SOX6: variants seen among roughly 807,000 people sequenced by gnomAD.
SOX6 encodes the protein SRY-box transcription factor 6, also known as transcription factor SOX-6.
A neutral mutation model predicts 97.8 loss-of-function variants in SOX6; 11 were observed. The observed-to-expected ratio is 0.11, with a 90% confidence interval of 0.07 to 0.19. The LOEUF (loss-of-function observed/expected upper bound fraction) is 0.19. SOX6 is among the 10% of genes least tolerant of loss of function. SOX6 has a pLI of 1.00. For missense variants in SOX6, 810 were observed against 1,039.5 expected, an observed-to-expected ratio of 0.78 and a Z score of 3.04; for synonymous variants, 360 against 371.4, an observed-to-expected ratio of 0.97 and a Z score of 0.35.
chr11:16,478,584 T>C (rs980945749), upstream of SOX6, among the ~76,000 whole-genome samples: 11 of 152,206 alleles, frequency 7.2e-5, no homozygotes, highest in African/African-American at 1.7e-4. Flanking sequence ...ATTTGCACTA[T>C]TGGTGAAATT....
Position 16,610,723 on chromosome 11 carries a change from C to A in SOX6, n.609+1358G>T, listed in dbSNP as rs1327609421. On this transcript the variant is annotated intron_variant and non_coding_transcript_variant, in intron 4 of 5. Transcript: ENST00000524520. The surrounding 1 kb of genome is among the most constrained non-coding windows in gnomAD (Gnocchi z 4.4). Reference sequence around the variant, plus strand: ...GGCTGTGTAAGAGTGACACGTGGCCCTGGGGGCGGGGGTGCCATCTAAGGG... The same window carrying A: ...GGCTGTGTAAGAGTGACACGTGGCCATGGGGGCGGGGGTGCCATCTAAGGG... Among the ~76,000 whole-genome samples the A allele has an allele frequency of 6.6e-6, 1 of 152,174 alleles. No homozygotes were observed. The highest frequency in any genetic ancestry group is 1.9e-4 in the East Asian group (1 of 5,192).
At chr11:16,234,544 T>A (rs775214966) in intron 4 of SOX6, 38 bp downstream of exon 4, 1 of 1,175,716 alleles carries the variant, frequency 8.5e-7, no homozygotes, top group Admixed American at 1.8e-5. Context: ...TAACATCACA[T>A]CACTGCATTG....
At chr11:16,654,705 G>A (rs888325261) in intron 3 of SOX6, among the ~76,000 whole-genome samples, 10 of 152,140 alleles carry the variant, frequency 6.6e-5, no homozygotes, top group Non-Finnish European at 1.3e-4. Context: ...GTATCCTTCA[G>A]CATTTAAAAG....
chr11:16,557,260 T>C (rs1847760010), intron 4 of SOX6, among the ~76,000 whole-genome samples: 1 of 151,830 alleles, frequency 6.6e-6, no homozygotes, highest in Non-Finnish European at 1.5e-5. Flanking sequence ...TAGGAACTTT[T>C]CCATATGGCA....
chr11:16,250,654 A>G (rs118048672), intron 3 of SOX6, among the ~76,000 whole-genome samples: 3,737 of 151,992 alleles, frequency 0.025, 66 homozygotes, highest in Middle Eastern at 0.059. Flanking sequence ...TAACAGGAAA[A>G]TTCCAACAAT....
intron 6 of SOX6, among the ~76,000 whole-genome samples, chr11:16,142,873 G>C (rs967170007): frequency 3.3e-5 from 5 of 152,174 alleles, no homozygotes; most frequent in Admixed American, 1.3e-4. Flanking sequence ...ATCTACGTCT[G>C]ATTGGTATAC....
intron 13 of SOX6, among the ~76,000 whole-genome samples, chr11:16,013,708 C>A (rs1259797733): frequency 6.6e-6 from 1 of 151,784 alleles, no homozygotes; most frequent in Non-Finnish European, 1.5e-5. Context: ...CCTGGTCTCC[C>A]AAACTATCAT....
intron 9 of SOX6, among the ~76,000 whole-genome samples, chr11:16,083,589 T>C (rs1017368401): frequency 1.3e-5 from 2 of 152,212 alleles, no homozygotes; most frequent in Admixed American, 6.5e-5. Context: ...TGAATTTAGT[T>C]AAATCTATGT....
intron 13 of SOX6, among the ~76,000 whole-genome samples, chr11:15,997,350 A>G (rs1213683045): frequency 6.6e-6 from 1 of 152,226 alleles, no homozygotes; most frequent in Non-Finnish European, 1.5e-5. Flanking sequence ...AAGTAGAGGA[A>G]GAAGGAACAC....
At chr11:16,594,777 G>A (rs1240470143) in intron 4 of SOX6, among the ~76,000 whole-genome samples, 5 of 122,394 alleles carry the variant, frequency 4.1e-5, no homozygotes, top group Non-Finnish European at 6.4e-5. Context: ...TGCAAGCTCC[G>A]CCTGCCGGGT....
At chr11:16,217,346 C>G (rs1170789704) in intron 4 of SOX6, among the ~76,000 whole-genome samples, 2 of 152,052 alleles carry the variant, frequency 1.3e-5, no homozygotes, top group Non-Finnish European at 2.9e-5. Context: ...AAAATGTGTT[C>G]CTGGGTCCAG....
chr11:16,197,113 C>T (rs939802530), intron 4 of SOX6, among the ~76,000 whole-genome samples: 4 of 152,050 alleles, frequency 2.6e-5, no homozygotes, highest in Non-Finnish European at 4.4e-5. Context: ...GGATTACAGG[C>T]GGGAGCCACC....
intron 4 of SOX6, among the ~76,000 whole-genome samples, chr11:16,563,740 A>G (rs1398689576): frequency 6.6e-6 from 1 of 152,238 alleles, no homozygotes; most frequent in East Asian, 1.9e-4. Context: ...ATAGTCACAT[A>G]CATACATAAA....
At chr11:16,073,324 A>G (rs1355518578) in intron 9 of SOX6, among the ~76,000 whole-genome samples, 1 of 152,196 alleles carries the variant, frequency 6.6e-6, no homozygotes, top group Non-Finnish European at 1.5e-5. Flanking sequence ...ACATACTTTA[A>G]ATAAACAACA....
intron 1 of SOX6, among the ~76,000 whole-genome samples, chr11:16,407,714 A>G (rs1242908872): frequency 6.6e-6 from 1 of 152,216 alleles, no homozygotes; most frequent in Non-Finnish European, 1.5e-5. Context: ...GCCTTCACCC[A>G]TTCCTTCATT....
intron 1 of SOX6, among the ~76,000 whole-genome samples, chr11:16,457,169 AAT>A (rs1859825834): frequency 6.6e-6 from 1 of 152,110 alleles, no homozygotes; most frequent in African/African-American, 2.4e-5. Flanking sequence ...GTGGTAGTAA[AAT>A]AGTTTAATTT....
chr11:16,021,380 T>C (rs950412695), intron 12 of SOX6, among the ~76,000 whole-genome samples: 2 of 152,188 alleles, frequency 1.3e-5, no homozygotes, highest in Non-Finnish European at 2.9e-5. Flanking sequence ...TAACCAGACA[T>C]GTGGTTTCCT....
At chr11:16,598,527 G>A (rs780457518) in intron 4 of SOX6, among the ~76,000 whole-genome samples, 2 of 151,732 alleles carry the variant, frequency 1.3e-5, no homozygotes, top group African/African-American at 2.4e-5. Context: ...GTAAAGACTC[G>A]TGGCTTCAAA....
intron 7 of SOX6, among the ~76,000 whole-genome samples, chr11:16,104,954 C>A (rs1166527212): frequency 6.6e-5 from 10 of 151,740 alleles, no homozygotes; most frequent in African/African-American, 2.4e-4. Context: ...ACGGATTCTG[C>A]CAAATGTTTA....
Sources: gnomAD v4.1 joint callset for allele counts (sites outside exome capture counted in the v4.1 genomes callset) on GRCh38, gnomAD v4.1.1 for gene constraint, Gnocchi (gnomAD v3.1) non-coding constraint, MANE v1.5 for transcripts, NCBI Gene and HGNC (gene_info 2026-07-23, HGNC 2026-07-21) for gene names.